CD101: variants seen among roughly 807,000 people sequenced by gnomAD.
CD101 encodes the protein CD101 molecule.
Under a neutral mutation model 98.2 loss-of-function variants are expected in CD101, and 76 were observed. The ratio of observed to expected loss-of-function variants is 0.77; its 90% CI spans 0.64 to 0.94. The LOEUF (loss-of-function observed/expected upper bound fraction) is 0.94, where lower values mean the gene tolerates loss of function less well. Among genes scored for constraint, CD101 ranks in the 40% least tolerant of loss-of-function variants. The pLI, the probability that CD101 is intolerant of heterozygous loss-of-function variation, is 0.00. For missense variants in CD101, 1,145 were observed against 1,218.8 expected (o/e 0.94, Z 0.90); for synonymous variants, 471 against 472.7 (o/e 1.00, Z 0.05).
intron 6 of CD101, among the ~76,000 whole-genome samples, chr1:117,020,583 G>C (rs1014326308): frequency 2.0e-5 from 3 of 152,188 alleles, no homozygotes; most frequent in Non-Finnish European, 4.4e-5. Flanking sequence ...ACTTGAGAAA[G>C]GTTTCTCAAG....
rs545619138 is a variant in CD101 at position 117,002,146 on chromosome 1, C to T, written c.43+286C>T. 5.3e-5 allele frequency among the ~76,000 whole-genome samples: 8 copies of T among 152,166 alleles called. No individual in the cohort carries two copies. In the South Asian group the frequency reaches 1.2e-3, roughly 24 times the overall value. The stretch of plus-strand genomic sequence containing the variant: ...AGTTTTGCTTGGCCCTGGCTTTACT[C>T]ATCTTCCTGGGCCGATCATCCCAAG... On this transcript the variant is annotated intron_variant, in intron 1 of 9. Transcript: ENST00000682167.
chr1:117,018,149 T>C lies in CD101; in HGVS notation c.1613-7T>C, dbSNP rs866216043. ...TATTAGAAATTCTGTTTCATTTTTC[T>C]GTCTAGAGTCAAGTTTACAAGTTAG... is the stretch of plus-strand genomic sequence containing the variant. On this transcript the variant is annotated splice_region_variant and splice_polypyrimidine_tract_variant and intron_variant, in intron 5 of 9. Coordinates refer to ENST00000682167, the MANE Select transcript of CD101 (RefSeq NM_001256106.3). This position sits in a 1 kb window ranked among gnomAD's most constrained non-coding sequence, Gnocchi z 4.3. The C allele has an allele frequency of 1.3e-6, 2 of 1,554,792 alleles. No individual in the cohort carries two copies. The highest frequency in any genetic ancestry group is 2.8e-5 in the African/African-American group (2 of 72,336).
rs756618779 is a variant in CD101 at position 117,001,788 on chromosome 1, T to C, written c.-30T>C. ...CAACCTCTGAATGTTAGTGACACTA[T>C]TGGGACGAAAAAGGACTGTGCTGGC... is the stretch of plus-strand genomic sequence containing the variant. On this transcript the variant is annotated 5_prime_UTR_variant, in exon 1 of 10. Coordinates refer to ENST00000682167, the MANE Select transcript of CD101 (RefSeq NM_001256106.3). 6 of 1,610,900 alleles carry C rather than the reference T, an allele frequency of 3.7e-6. No individual in the cohort carries two copies. The African/African-American group carries it at 4.0e-5, about 11-fold the overall frequency.
chr1:117,029,253 GAAAGA>G (rs1557779310), intron 8 of CD101, among the ~76,000 whole-genome samples: 1 of 140,534 alleles, frequency 7.1e-6, no homozygotes, highest in African/African-American at 3.0e-5. Flanking sequence ...AAGAAAGAAA[GAAAGA>G]AAGAAAGAAA....
In CD101 at chr1:117,021,821, G is replaced by A; in HGVS notation, c.2266G>A (p.Val756Ile). Reference sequence around the variant, plus strand: ...AAAACAAAAATTTCATACTGAGAAGGTTTCCCAAGACTTATTTCAGCTGCA... The same window carrying A: ...AAAACAAAAATTTCATACTGAGAAGATTTCCCAAGACTTATTTCAGCTGCA... ...QRKQKFHTEK[V>I]SQDLFQLHIL... is the part of the protein sequence containing the mutation. The change falls in exon 7 of 10, where the codon GTT becomes ATT. Residue 756 changes from valine to isoleucine, a missense_variant. Val to Ile is a conservative substitution (Grantham distance 29, BLOSUM62 3). Coordinates refer to ENST00000682167, the MANE Select transcript of CD101 (RefSeq NM_001256106.3). This position sits in a 1 kb window ranked among gnomAD's most constrained non-coding sequence, Gnocchi z 4.7. The A allele has an allele frequency of 6.2e-7, 1 of 1,614,176 alleles. No individual in the cohort carries two copies. Among genetic ancestry groups the A allele is most frequent in the South Asian group, 1.1e-5 (1 of 91,080 alleles).
chr1:117,012,097 G>A lies in CD101; in HGVS notation c.841+131G>A. ...TGGCTAGAAAGTTTGATTTAATTTT[G>A]TATTTTTGTCATCTGAGAAGCATAA... is the stretch of plus-strand genomic sequence containing the variant. On this transcript the variant is annotated intron_variant, in intron 3 of 9. Coordinates refer to ENST00000682167, the MANE Select transcript of CD101 (RefSeq NM_001256106.3). This position sits in a 1 kb window ranked among gnomAD's most constrained non-coding sequence, Gnocchi z 4.0. 1.2e-6 allele frequency: 1 copy of A among 866,858 alleles called. No homozygotes were observed. The allele number at this position is 866,858 out of a possible 1,614,324, so 53.7% of individuals were successfully genotyped here. A position where few individuals can be genotyped will look rare whatever the true frequency, so the allele number is the denominator to read the frequency against.
rs1351004747 is a variant in CD101 at position 117,033,505 on chromosome 1, G to A, written c.2825-355G>A. 6.6e-6 allele frequency among the ~76,000 whole-genome samples: 1 copy of A among 152,202 alleles called. No individual in the cohort carries two copies. The highest frequency in any genetic ancestry group is 6.5e-5 in the Admixed American group (1 of 15,284). Reference sequence around the variant, plus strand: ...TTAAAAATTCAGGACTGGCAACACTGTTGAGAACGAGGGTTGAATTATAGA... The same window carrying A: ...TTAAAAATTCAGGACTGGCAACACTATTGAGAACGAGGGTTGAATTATAGA... On this transcript the variant is annotated intron_variant, in intron 8 of 9. Transcript: ENST00000682167. This position sits in a 1 kb window ranked among gnomAD's most constrained non-coding sequence, Gnocchi z 4.8.
intron 1 of CD101, among the ~76,000 whole-genome samples, chr1:117,003,148 C>A (rs979540648): frequency 2.6e-5 from 4 of 151,774 alleles, no homozygotes; most frequent in African/African-American, 9.7e-5. Flanking sequence ...TCTAAAAAAA[C>A]AAACAAACAA....
Position 117,025,690 on chromosome 1 carries a change from G to A in CD101, c.2610G>A (p.Leu870=). 1.2e-6 allele frequency: 2 copies of A among 1,614,202 alleles called. No individual in the cohort carries two copies. Among genetic ancestry groups the A allele is most frequent in the African/African-American group, 1.3e-5 (1 of 75,042 alleles). The part of the protein sequence containing the change: ...KLLVHLQHDG[L]LEYGEEGLRR... ...TGGTGCACTTGCAACATGATGGCTT[G>A]CTGGAGTATGGGGAAGAGGGGCTCA... The change falls in exon 8 of 10, where the codon TTG becomes TTA. Residue 870 remains leucine (L), a synonymous_variant. Coordinates refer to ENST00000682167, the MANE Select transcript of CD101 (RefSeq NM_001256106.3).
chr1:117,029,126 C>T (rs947738334), intron 8 of CD101, among the ~76,000 whole-genome samples: 1 of 55,698 alleles, frequency 1.8e-5, no homozygotes, highest in African/African-American at 5.3e-5. Context: ...GACAGTCCAA[C>T]ATCAGAAAGA....
In CD101 at chr1:117,012,721, C is replaced by T. The variant is rs1652962086; in HGVS notation, c.842-685C>T. Among the ~76,000 whole-genome samples, 1 of 152,160 alleles carries T rather than the reference C, an allele frequency of 6.6e-6. No homozygotes were observed. The highest frequency in any genetic ancestry group is 2.4e-5 in the African/African-American group (1 of 41,442). On this transcript the variant is annotated intron_variant, in intron 3 of 9. Transcript: ENST00000682167. The surrounding 1 kb of genome is among the most constrained non-coding windows in gnomAD (Gnocchi z 4.0). ...CCGCACCCAGCCTGCTGTTACTTTTCATAATCTTTTGGCATTTTTGTCAAA... is the reference window on the plus strand; with the variant it reads ...CCGCACCCAGCCTGCTGTTACTTTTTATAATCTTTTGGCATTTTTGTCAAA...
chr1:117,008,896 C>T (rs1257131412), intron 1 of CD101, among the ~76,000 whole-genome samples: 1 of 152,208 alleles, frequency 6.6e-6, no homozygotes, highest in Non-Finnish European at 1.5e-5. Context: ...TTCCCTTTTA[C>T]AGTACCCTGG....
rs1417735822 is a variant in CD101 at position 117,021,039 on chromosome 1, C to G, written c.2018-534C>G. On this transcript the variant is annotated intron_variant, in intron 6 of 9. Coordinates refer to ENST00000682167, the MANE Select transcript of CD101 (RefSeq NM_001256106.3). This position sits in a 1 kb window ranked among gnomAD's most constrained non-coding sequence, Gnocchi z 4.7. ...AAAGACACACACAGTTTTAATCACT[C>G]ATGTACAACTTCCTTTTGTTTACCC... 6.6e-6 allele frequency among the ~76,000 whole-genome samples: 1 copy of G among 152,204 alleles called. No individual in the cohort carries two copies. Among genetic ancestry groups the G allele is most frequent in the Non-Finnish European group, 1.5e-5 (1 of 68,030 alleles).
intron 7 of CD101, 52 bp from the exon 8 acceptor site, chr1:117,025,457 A>T: frequency 1.4e-6 from 2 of 1,458,820 alleles, no homozygotes; most frequent in East Asian, 2.3e-5. Flanking sequence ...CAGAGGTGGT[A>T]TCCAAATCTG....
intron 3 of CD101, among the ~76,000 whole-genome samples, chr1:117,013,003 C>G (rs1652980985): frequency 1.3e-5 from 2 of 152,204 alleles, no homozygotes; most frequent in South Asian, 4.1e-4. Context: ...GAAAATTCTG[C>G]TGGATATTCT....
At chr1:117,013,847 C>CA in intron 4 of CD101, 55 bp downstream of exon 4, 1 of 1,507,984 alleles carries the variant, frequency 6.6e-7, no homozygotes. Flanking sequence ...GCCCCCTTGT[C>CA]AGTGGAAGAC....
chr1:117,011,608 T>A lies in CD101; in HGVS notation c.483T>A (p.Gly161=). The part of the protein sequence containing the change: ...MSSQTLGKEE[G]EPLALTCEAS... The stretch of plus-strand genomic sequence containing the variant: ...CTCAGACTCTCGGTAAGGAGGAAGG[T>A]GAGCCATTAGCCCTCACCTGTGAGG... The change falls in exon 3 of 10, where the codon GGT becomes GGA. Residue 161 remains glycine (G), a synonymous_variant. Coordinates refer to ENST00000682167, the MANE Select transcript of CD101 (RefSeq NM_001256106.3). 6.2e-7 allele frequency: 1 copy of A among 1,614,008 alleles called. No individual in the cohort carries two copies. The highest frequency in any genetic ancestry group is 8.5e-7 in the Non-Finnish European group (1 of 1,179,978).
chr1:117,034,363 T>C (rs1570754529), intron 9 of CD101: 1 of 465,092 alleles, frequency 2.2e-6, no homozygotes, highest in East Asian at 4.2e-5. Flanking sequence ...AAGGTTCAGG[T>C]CCCTGGGCTG....
Position 117,018,615 on chromosome 1 carries a change from C to G in CD101, c.2017+55C>G. On this transcript the variant is annotated intron_variant, in intron 6 of 9. Transcript: ENST00000682167. The surrounding 1 kb of genome is among the most constrained non-coding windows in gnomAD (Gnocchi z 4.3). The stretch of plus-strand genomic sequence containing the variant: ...TTAAAAACAAACAAATAGCAATCCT[C>G]CCATTTTGGGTAAGTTATAACAATA... The G allele has an allele frequency of 6.8e-7, 1 of 1,480,828 alleles. No homozygotes were observed. The highest frequency in any genetic ancestry group is 1.4e-5 in the African/African-American group (1 of 71,164). The allele number at this position is 1,480,828 out of a possible 1,614,324, so 91.7% of individuals were successfully genotyped here. A position where few individuals can be genotyped will look rare whatever the true frequency, so the allele number is the denominator to read the frequency against.
Sources: allele counts gnomAD v4.1 joint callset (sites outside exome capture counted in the v4.1 genomes callset), GRCh38; gene constraint gnomAD v4.1.1; non-coding constraint Gnocchi (gnomAD v3.1); transcripts MANE v1.5; gene names NCBI Gene and HGNC (gene_info 2026-07-23, HGNC 2026-07-21).